WNT3: variants seen among roughly 807,000 people sequenced by gnomAD.
WNT3 encodes Wnt family member 3.
WNT3 carries 7 observed loss-of-function variants against 34.2 expected under a neutral mutation model. That is an observed-to-expected ratio of 0.20 (90% CI 0.12 to 0.38). The LOEUF (loss-of-function observed/expected upper bound fraction) is 0.38. Ranked by LOEUF, WNT3 falls within the 10% of genes least tolerant of loss-of-function variation. The probability of loss-of-function intolerance (pLI) is 1.00; values close to 1 mark genes in which losing one functional copy is unlikely to be tolerated. For missense variants in WNT3, 267 were observed against 499.8 expected, an observed-to-expected ratio of 0.53 and a Z score of 4.44; for synonymous variants, 212 against 211.5, an observed-to-expected ratio of 1.00 and a Z score of -0.02.
At chr17:46,766,147 G>T (rs950127472) in intron 4 of WNT3, among the ~76,000 whole-genome samples, 1 of 152,196 alleles carries the variant, frequency 6.6e-6, no homozygotes, top group Admixed American at 6.5e-5. Flanking sequence ...GGTGGCTCAC[G>T]CCTGTAATCC....
chr17:46,793,271 C>T (rs1486877996), intron 1 of WNT3, among the ~76,000 whole-genome samples: 1 of 16,756 alleles, frequency 6.0e-5, no homozygotes, highest in Non-Finnish European at 1.5e-4. Flanking sequence ...GAGACCCTGT[C>T]TAAAAAAAAA....
chr17:46,811,576 A>G lies in WNT3; in HGVS notation c.80+6942T>C, dbSNP rs941635272. On this transcript the variant is annotated intron_variant, in intron 1 of 4. Coordinates refer to ENST00000225512, the MANE Select transcript of WNT3 (RefSeq NM_030753.5). ...GCCCACTGAGACCTGAGCAACAGAA[A>G]AGGAGCAAACCTGCAGGCAGGCCCT... 2.6e-5 allele frequency among the ~76,000 whole-genome samples: 4 copies of G among 152,104 alleles called. No individual in the cohort carries two copies. The South Asian group carries it at 6.2e-4, about 24-fold the overall frequency.
intron 1 of WNT3, among the ~76,000 whole-genome samples, chr17:46,788,469 A>G (rs146980989): frequency 1.5e-3 from 226 of 152,290 alleles, no homozygotes; most frequent in African/African-American, 4.6e-3. Flanking sequence ...AAGACAAGAC[A>G]TAGCCTGCCC....
chr17:46,765,558 C>T (rs776830672), intron 4 of WNT3, among the ~76,000 whole-genome samples: 1 of 152,238 alleles, frequency 6.6e-6, no homozygotes, highest in African/African-American at 2.4e-5. Flanking sequence ...CTCCTGCCTG[C>T]ACTGCCAAGA....
intron 1 of WNT3, among the ~76,000 whole-genome samples, chr17:46,816,455 G>T (rs985540530): frequency 7.3e-6 from 1 of 137,456 alleles, no homozygotes; most frequent in Admixed American, 7.6e-5. Flanking sequence ...ACCTCTTAGG[G>T]TCATAGACCC....
intron 1 of WNT3, among the ~76,000 whole-genome samples, chr17:46,804,912 C>T (rs2084173418): frequency 7.7e-6 from 1 of 129,184 alleles, no homozygotes; most frequent in Admixed American, 7.8e-5. Context: ...AAGCTGCCTC[C>T]CCGCCCACCC....
At chr17:46,805,561 G>A (rs1439886908) in intron 1 of WNT3, among the ~76,000 whole-genome samples, 10 of 152,086 alleles carry the variant, frequency 6.6e-5, no homozygotes, top group South Asian at 2.1e-4. Flanking sequence ...TGACAAGAGT[G>A]AAAACTCTGT....
chr17:46,795,445 C>T (rs149717244), intron 1 of WNT3, among the ~76,000 whole-genome samples: 7 of 152,244 alleles, frequency 4.6e-5, no homozygotes, highest in South Asian at 2.1e-4. Flanking sequence ...CCAGCCGGCC[C>T]GTGGGCAAAG....
At chr17:46,773,382 A>G (rs2059389922) in intron 2 of WNT3, among the ~76,000 whole-genome samples, 1 of 152,044 alleles carries the variant, frequency 6.6e-6, no homozygotes, top group Admixed American at 6.5e-5. Context: ...GAAATGTCAC[A>G]AATGTCCACA....
chr17:46,771,926 C>T (rs1262187633), intron 2 of WNT3, among the ~76,000 whole-genome samples: 7 of 145,294 alleles, frequency 4.8e-5, no homozygotes, highest in African/African-American at 1.7e-4. Flanking sequence ...GCGCCTCGGG[C>T]CCGCCGCGCC....
chr17:46,804,490 T>C (rs1366102958), intron 1 of WNT3, among the ~76,000 whole-genome samples: 4 of 152,230 alleles, frequency 2.6e-5, no homozygotes, highest in Admixed American at 2.0e-4. Context: ...AGGGAAGTGC[T>C]GTAAGACACC....
intron 1 of WNT3, among the ~76,000 whole-genome samples, chr17:46,778,277 CA>C (rs1390065770): frequency 6.6e-6 from 1 of 152,196 alleles, no homozygotes; most frequent in Non-Finnish European, 1.5e-5. Flanking sequence ...TCAGTCCTCA[CA>C]GGGGTGGCAG....
At position 46,818,640 on chromosome 17, in the gene WNT3, AG is replaced by A; in HGVS notation, c.-44del. 6.5e-7 allele frequency: 1 copy of A among 1,536,390 alleles called. No individual in the cohort carries two copies. Among genetic ancestry groups the A allele is most frequent in the Non-Finnish European group, 8.9e-7 (1 of 1,128,750 alleles). On this transcript the variant is annotated 5_prime_UTR_variant, in exon 1 of 5. Coordinates refer to ENST00000225512, the MANE Select transcript of WNT3 (RefSeq NM_030753.5). ...AGGAAGTTTGCCCGCGACCATGAAGAGGGGGAGCGACGCCCCCAATAGTTGG... is the reference window on the plus strand; with the variant it reads ...AGGAAGTTTGCCCGCGACCATGAAGAGGGGAGCGACGCCCCCAATAGTTGG...
chr17:46,774,562 T>G (rs1406816562), intron 1 of WNT3, among the ~76,000 whole-genome samples: 5 of 152,232 alleles, frequency 3.3e-5, no homozygotes, highest in African/African-American at 1.2e-4. Context: ...AGACTGGAGC[T>G]TGGCTTTGTG....
chr17:46,815,702 C>T (rs1360707943), intron 1 of WNT3, among the ~76,000 whole-genome samples: 1 of 152,140 alleles, frequency 6.6e-6, no homozygotes, highest in African/African-American at 2.4e-5. Context: ...GCCAGTGACT[C>T]TAGTGCCTGG....
rs1425118837 is a variant in WNT3, at chr17:46,768,177, T to A, written c.*8+135A>T. On this transcript the variant is annotated intron_variant, in intron 4 of 4. Coordinates refer to ENST00000225512, the MANE Select transcript of WNT3 (RefSeq NM_030753.5). The surrounding 1 kb of genome is among the most constrained non-coding windows in gnomAD (Gnocchi z 5.0). The stretch of plus-strand genomic sequence containing the variant: ...GGATGCTTGAAAAATCCTAGCTTCC[T>A]ATTTTGGCTGTGGGAACTTGTGTGT... 1.5e-6 allele frequency: 2 copies of A among 1,296,870 alleles called. No homozygotes were observed. The highest frequency in any genetic ancestry group is 2.1e-6 in the Non-Finnish European group (2 of 937,384). The allele number at this position is 1,296,870 out of a possible 1,614,324, so 80.3% of individuals were successfully genotyped here. A position where few individuals can be genotyped will look rare whatever the true frequency, so the allele number is the denominator to read the frequency against.
intron 1 of WNT3, among the ~76,000 whole-genome samples, chr17:46,774,168 G>T (rs2059396898): frequency 6.6e-6 from 1 of 152,230 alleles, no homozygotes. Context: ...GGGCCCTTGG[G>T]GGCAATGCAA....
chr17:46,769,653 C>G lies in WNT3; in HGVS notation c.588+130G>C, dbSNP rs559218714. ...GCTGTGGGGTGGGGAGGAGGCCAAG[C>G]CTGGCCAAGGGGAAAAGGAGCCCGC... On this transcript the variant is annotated intron_variant, in intron 3 of 4. Transcript: ENST00000225512. 534 of 1,299,780 alleles carry G rather than the reference C, an allele frequency of 4.1e-4. 3 individuals carry two copies. The African/African-American group carries it at 6.8e-3, about 17-fold the overall frequency. 80.5% of individuals were successfully genotyped at this position (1,299,780 alleles called of 1,614,324 possible).
At chr17:46,810,088 C>A (rs2084253378) in intron 1 of WNT3, among the ~76,000 whole-genome samples, 1 of 148,990 alleles carries the variant, frequency 6.7e-6, no homozygotes, top group Non-Finnish European at 1.5e-5. Context: ...CTCACTGCAA[C>A]CTCCGCCTCC....
Sources: allele counts gnomAD v4.1 joint callset (sites outside exome capture counted in the v4.1 genomes callset), GRCh38; gene constraint gnomAD v4.1.1; non-coding constraint Gnocchi (gnomAD v3.1); transcripts MANE v1.5; gene names NCBI Gene and HGNC (gene_info 2026-07-23, HGNC 2026-07-21).